ESRRG: variants seen among roughly 807,000 people sequenced by gnomAD.
The protein encoded by ESRRG is estrogen-related receptor gamma.
ESRRG carries 13 observed loss-of-function variants against 44.0 expected under a neutral mutation model. That is an observed-to-expected ratio of 0.30 (90% CI 0.19 to 0.47). The LOEUF is 0.47. Ranked by LOEUF, ESRRG falls within the 20% of genes least tolerant of loss-of-function variation. ESRRG has a pLI of 1.00. For missense variants in ESRRG, 395 were observed against 580.6 expected (o/e 0.68, Z 3.29); for synonymous variants, 215 against 214.6 (o/e 1.00, Z -0.02).
Position 217,038,006 on chromosome 1 carries a change from C to A in ESRRG, c.-106+51501G>T, listed in dbSNP as rs2083212162. Among the ~76,000 whole-genome samples, 4 of 152,310 alleles carry A rather than the reference C, an allele frequency of 2.6e-5. No homozygotes were observed. The South Asian group carries it at 8.3e-4, about 32-fold the overall frequency. On this transcript the variant is annotated intron_variant, in intron 1 of 7. Transcript: ENST00000359162. Reference sequence around the variant, plus strand: ...TTCTCATAGTCTTGGGCAGCTCTGCCCCTATGGCTTTGCAGGGTACAGCCT... The same window carrying A: ...TTCTCATAGTCTTGGGCAGCTCTGCACCTATGGCTTTGCAGGGTACAGCCT...
intron 1 of ESRRG, among the ~76,000 whole-genome samples, chr1:217,044,450 A>G (rs1276785220): frequency 6.6e-6 from 1 of 152,186 alleles, no homozygotes; most frequent in Non-Finnish European, 1.5e-5. Context: ...AAATTAAATT[A>G]ATGTGACCCA....
chr1:216,639,430 C>T (rs763658904), intron 3 of ESRRG, among the ~76,000 whole-genome samples: 43 of 152,286 alleles, frequency 2.8e-4, no homozygotes, highest in Middle Eastern at 3.4e-3. Flanking sequence ...AAGGAAAACA[C>T]TTACAGCTGA....
chr1:216,821,760 CAAT>C (rs2095301614), intron 2 of ESRRG, among the ~76,000 whole-genome samples: 1 of 139,178 alleles, frequency 7.2e-6, no homozygotes, highest in Admixed American at 7.2e-5. Context: ...ATTTAAAAAA[CAAT>C]AAGAACATTT....
chr1:216,783,041 A>G (rs2093990617), intron 2 of ESRRG, among the ~76,000 whole-genome samples: 1 of 151,898 alleles, frequency 6.6e-6, no homozygotes, highest in Admixed American at 6.6e-5. Flanking sequence ...AAGAAATGAA[A>G]TAACTACAAC....
intron 2 of ESRRG, among the ~76,000 whole-genome samples, chr1:216,862,050 G>T (rs2096062712): frequency 6.6e-6 from 1 of 152,104 alleles, no homozygotes; most frequent in African/African-American, 2.4e-5. Flanking sequence ...CTAAGGATTT[G>T]GAGCAAGTGT....
chr1:216,584,723 T>G (rs2063445522), intron 3 of ESRRG, among the ~76,000 whole-genome samples: 1 of 152,252 alleles, frequency 6.6e-6, no homozygotes, highest in Admixed American at 6.5e-5. Flanking sequence ...TACATGTACT[T>G]TACTTGCTAC....
intron 6 of ESRRG, among the ~76,000 whole-genome samples, chr1:216,513,077 A>G (rs1447890052): frequency 6.6e-6 from 1 of 152,160 alleles, no homozygotes; most frequent in Non-Finnish European, 1.5e-5. Flanking sequence ...CCAGAACTGT[A>G]AGAGAATAAA....
intron 1 of ESRRG, among the ~76,000 whole-genome samples, chr1:216,720,937 T>C (rs1355561851): frequency 6.6e-6 from 1 of 152,170 alleles, no homozygotes; most frequent in African/African-American, 2.4e-5. Context: ...TAAAATTAAG[T>C]CCGCTCTATA....
chr1:216,706,054 G>A (rs987929003), intron 1 of ESRRG, among the ~76,000 whole-genome samples: 5 of 152,054 alleles, frequency 3.3e-5, no homozygotes, highest in Non-Finnish European at 5.9e-5. Context: ...CTTCCTCCTC[G>A]TCCCCCACCC....
At chr1:217,109,794 A>G (rs2092640453) in intron 1 of ESRRG, among the ~76,000 whole-genome samples, 1 of 152,194 alleles carries the variant, frequency 6.6e-6, no homozygotes, top group African/African-American at 2.4e-5. Context: ...AAAGTTACAA[A>G]ACATGAGTGG....
chr1:217,035,842 G>A (rs146742223), intron 1 of ESRRG, among the ~76,000 whole-genome samples: 1 of 152,232 alleles, frequency 6.6e-6, no homozygotes, highest in African/African-American at 2.4e-5. Context: ...GGATGATGTG[G>A]CAATAGAAAC....
chr1:216,621,557 C>A (rs568336308), intron 3 of ESRRG, among the ~76,000 whole-genome samples: 39 of 152,316 alleles, frequency 2.6e-4, no homozygotes, highest in Middle Eastern at 3.4e-3. Flanking sequence ...TAGTCAACAT[C>A]TCAAGTTGTC....
intron 2 of ESRRG, among the ~76,000 whole-genome samples, chr1:216,741,315 T>C (rs2090688471): frequency 6.7e-6 from 1 of 148,746 alleles, no homozygotes; most frequent in Admixed American, 6.7e-5. Context: ...AGTTTATGTT[T>C]ATAATTTATA....
At chr1:216,890,928 C>T (rs769866551) in intron 2 of ESRRG, among the ~76,000 whole-genome samples, 6 of 152,174 alleles carry the variant, frequency 3.9e-5, no homozygotes, top group African/African-American at 7.2e-5. Context: ...CCCCACCCAA[C>T]TCCTGAACCT....
chr1:216,582,766 C>A lies in ESRRG; in HGVS notation c.590-14668G>T, dbSNP rs2063038260. ...TGACAAAGAATTTTTCTTCTGTTGG[C>A]CTGGACACTTTTTCTCTAATTTCTT... On this transcript the variant is annotated intron_variant, in intron 3 of 6. Transcript: ENST00000408911. Among the ~76,000 whole-genome samples the A allele has an allele frequency of 3.3e-5, 5 of 152,112 alleles. No individual in the cohort carries two copies. The South Asian group carries it at 1.0e-3, about 32-fold the overall frequency.
chr1:217,042,473 AACACACACACACACAC>A (rs140559927), intron 1 of ESRRG, among the ~76,000 whole-genome samples: 4,209 of 138,922 alleles, frequency 0.03, 167 homozygotes, highest in African/African-American at 0.098. Context: ...TACACACACA[AACACACACACACACAC>A]ACACACACAC....
At chr1:216,923,601 G>T (rs539678337) in intron 2 of ESRRG, among the ~76,000 whole-genome samples, 6 of 151,076 alleles carry the variant, frequency 4.0e-5, no homozygotes, top group African/African-American at 1.2e-4. Flanking sequence ...CGGCAGATCC[G>T]AGCAGAGGAT....
chr1:216,960,893 G>A (rs1276286473), intron 1 of ESRRG, among the ~76,000 whole-genome samples: 1 of 152,110 alleles, frequency 6.6e-6, no homozygotes, highest in Non-Finnish European at 1.5e-5. Context: ...GCCTGGCCCA[G>A]TTCCTTCATG....
intron 3 of ESRRG, among the ~76,000 whole-genome samples, chr1:216,618,636 G>T (rs1047665604): frequency 6.6e-6 from 1 of 152,090 alleles, no homozygotes; most frequent in Non-Finnish European, 1.5e-5. Flanking sequence ...TTGATATTTA[G>T]CATCTTAGTT....
Sources: allele counts gnomAD v4.1 joint callset (sites outside exome capture counted in the v4.1 genomes callset), GRCh38; gene constraint gnomAD v4.1.1; transcripts MANE v1.5; gene names NCBI Gene and HGNC (gene_info 2026-07-23, HGNC 2026-07-21).